RFX6: variants seen among roughly 807,000 people sequenced by gnomAD.
The protein encoded by RFX6 is regulatory factor X6, also known as DNA-binding protein RFX6.
Under a neutral mutation model 110.8 loss-of-function variants are expected in RFX6, and 50 were observed. The ratio of observed to expected loss-of-function variants is 0.45; its 90% confidence interval spans 0.36 to 0.57. The LOEUF is 0.57. Among genes scored for constraint, RFX6 ranks in the 20% least tolerant of loss-of-function variants. The pLI, the probability that RFX6 is intolerant of heterozygous loss-of-function variation, is 0.00. For missense variants in RFX6, 990 were observed against 1,127.0 expected (o/e 0.88, Z 1.74); for synonymous variants, 383 against 411.2 (o/e 0.93, Z 0.83).
Position 116,928,846 on chromosome 6 carries a change from G to C in RFX6, c.2486G>C (p.Arg829Pro), listed in dbSNP as rs57748743. 5.8e-5 allele frequency: 94 copies of C among 1,613,650 alleles called. No individual in the cohort carries two copies. In the African/African-American group the frequency reaches 1.1e-3, roughly 19 times the overall value. Residue 829 changes from arginine (R) to proline (P), a missense_variant, in exon 18 of 19, where the codon CGT becomes CCT. Physicochemically the swap from Arg to Pro is moderately radical, Grantham distance 103. Around this residue, in one of 5 missense-constraint regions of RFX6, gnomAD observed 438 missense variants for 441.9 expected, o/e 0.99. Transcript: ENST00000332958. The part of the protein sequence containing the change: ...NQHVSVISSI[R>P]SLPPYSDIHD... ...CACGTTTCTGTCATCAGCAGCATTC[G>C]TTCACTGCCCCCCTACAGTGACATC...
chr6:116,911,305 A>G (rs1204440932), intron 7 of RFX6, among the ~76,000 whole-genome samples: 14 of 152,208 alleles, frequency 9.2e-5, no homozygotes, highest in Non-Finnish European at 2.9e-5. Context: ...TTAAAGCTCT[A>G]TTGAAGAAGA....
At chr6:116,888,852 T>C (rs1045237052) in intron 4 of RFX6, among the ~76,000 whole-genome samples, 1 of 152,120 alleles carries the variant, frequency 6.6e-6, no homozygotes, top group Non-Finnish European at 1.5e-5. Context: ...GATGAAAAAT[T>C]TATGTACACT....
At chr6:116,930,462 G>T (rs1775858989) in intron 18 of RFX6, among the ~76,000 whole-genome samples, 1 of 152,142 alleles carries the variant, frequency 6.6e-6, no homozygotes, top group Non-Finnish European at 1.5e-5. Context: ...TTACATTCTA[G>T]TAGAGGGACA....
intron 17 of RFX6, among the ~76,000 whole-genome samples, chr6:116,928,080 T>TAAA (rs34807787): frequency 2.1e-5 from 3 of 143,958 alleles, no homozygotes; most frequent in Admixed American, 6.9e-5. Context: ...CCGCATATGT[T>TAAA]AAAAAAAAAA....
At chr6:116,928,715 T>G in intron 17 of RFX6, 44 bp from the exon 18 acceptor site, 1 of 1,420,102 alleles carries the variant, frequency 7.0e-7, no homozygotes, top group Non-Finnish European at 1.0e-6. Flanking sequence ...CTGAAAGTTC[T>G]TTGTAGTAAG....
intron 14 of RFX6, chr6:116,923,522 A>AT: frequency 2.6e-6 from 1 of 384,180 alleles, no homozygotes; most frequent in South Asian, 2.6e-5. Context: ...ATAAAAACAA[A>AT]TTGCCTAGCA....
intron 18 of RFX6, 113 bp from the exon 19 acceptor site, chr6:116,931,218 T>C: frequency 2.5e-6 from 2 of 805,864 alleles, no homozygotes; most frequent in Middle Eastern, 3.4e-4. Flanking sequence ...AAATTTAGAA[T>C]AGGTATGTGT....
chr6:116,921,692 G>A (rs1363227052), intron 12 of RFX6, among the ~76,000 whole-genome samples: 2 of 150,574 alleles, frequency 1.3e-5, no homozygotes, highest in Non-Finnish European at 3.0e-5. Context: ...GCTTGTTGGT[G>A]CGTGCCTGGA....
At chr6:116,896,161 C>T (rs1021256168) in intron 6 of RFX6, among the ~76,000 whole-genome samples, 4 of 152,174 alleles carry the variant, frequency 2.6e-5, no homozygotes, top group African/African-American at 9.7e-5. Context: ...TACGTTATTT[C>T]TCTCAGGTGT....
intron 9 of RFX6, among the ~76,000 whole-genome samples, chr6:116,917,366 T>C (rs1775491696): frequency 6.6e-6 from 1 of 150,640 alleles, no homozygotes; most frequent in African/African-American, 2.5e-5. Flanking sequence ...GGATTGAATA[T>C]GAATGCCATT....
At chr6:116,908,176 T>C (rs1280353546) in intron 6 of RFX6, among the ~76,000 whole-genome samples, 2 of 152,118 alleles carry the variant, frequency 1.3e-5, no homozygotes, top group Non-Finnish European at 2.9e-5. Flanking sequence ...TCTAGCATCT[T>C]GTAACCACTA....
chr6:116,896,698 A>T (rs952462394), intron 6 of RFX6, among the ~76,000 whole-genome samples: 13 of 88,798 alleles, frequency 1.5e-4, no homozygotes, highest in Admixed American at 2.6e-4. Flanking sequence ...ACAGTGTGAG[A>T]CCCTATCTCA....
At position 116,892,574 on chromosome 6, in the gene RFX6, G is replaced by A. The variant is rs114855139; in HGVS notation, c.567-1413G>A. 2.7e-3 allele frequency among the ~76,000 whole-genome samples: 413 copies of A among 152,294 alleles called. 2 individuals are homozygous for A. The highest frequency in any genetic ancestry group is 9.6e-3 in the African/African-American group (397 of 41,564). ...ATGCAGATGCAGCTGGATCTTGGAT[G>A]TGCAGTCCAGTTCCCTCACAGTGAA... On this transcript the variant is annotated intron_variant, in intron 4 of 18. Transcript: ENST00000332958.
intron 9 of RFX6, among the ~76,000 whole-genome samples, chr6:116,917,107 G>A (rs1272399255): frequency 6.6e-6 from 1 of 152,074 alleles, no homozygotes; most frequent in African/African-American, 2.4e-5. Flanking sequence ...CAGATTCTCA[G>A]CTTTGCAGAA....
chr6:116,923,775 G>T (rs1434668473), intron 14 of RFX6, among the ~76,000 whole-genome samples: 5 of 152,112 alleles, frequency 3.3e-5, no homozygotes, highest in Non-Finnish European at 7.4e-5. Context: ...TATGACTTGG[G>T]AGACAAATAG....
Position 116,919,416 on chromosome 6 carries a change from C to T in RFX6, c.1182+120C>T, listed in dbSNP as rs943623960. 6.9e-6 allele frequency: 6 copies of T among 874,908 alleles called. No homozygotes were observed. In the Admixed American group the frequency reaches 8.9e-5, roughly 13 times the overall value. 54.2% of individuals were successfully genotyped at this position (874,908 alleles called of 1,614,324 possible). A position where few individuals can be genotyped will look rare whatever the true frequency, so the allele number is the denominator to read the frequency against. On this transcript the variant is annotated intron_variant, in intron 11 of 18. Coordinates refer to ENST00000332958, the MANE Select transcript of RFX6 (RefSeq NM_173560.4). ...GAGCTAAGTAGACAACAACTAAATG[C>T]AACGTGAGACCCAGAAGTGAATGCT...
At position 116,916,282 on chromosome 6, in the gene RFX6, A is replaced by C. The variant is rs1775461880; in HGVS notation, c.940A>C (p.Ile314Leu). The change falls in exon 9 of 19, where the codon ATT becomes CTT. Residue 314 changes from isoleucine (I) to leucine (L), a missense_variant. By Grantham distance (5) the Ile-to-Leu change is conservative (BLOSUM62 2). Around this residue, in one of 5 missense-constraint regions of RFX6, gnomAD observed 243 missense variants for 353.1 expected, o/e 0.69. Transcript: ENST00000332958. ...GCTCGAAAATCCTGTTATCATTGAT[A>C]TTTTCTGTGTTTGTGACTCAATTCT... ...PLLENPVIIDIFCVCDSILYK... is the reference protein window; with the variant it reads ...PLLENPVIIDLFCVCDSILYK... 1.2e-6 allele frequency: 2 copies of C among 1,611,442 alleles called. No homozygotes were observed. The highest frequency in any genetic ancestry group is 1.7e-5 in the Admixed American group (1 of 59,858).
intron 12 of RFX6, among the ~76,000 whole-genome samples, chr6:116,921,815 C>T (rs958338548): frequency 1.3e-5 from 2 of 151,850 alleles, no homozygotes; most frequent in African/African-American, 4.8e-5. Flanking sequence ...AAAGCAAGAT[C>T]CTGTCTCTCT....
At position 116,922,113 on chromosome 6, in the gene RFX6, G is replaced by A. The variant is rs1775613019; in HGVS notation, c.1399G>A (p.Glu467Lys). ...KKNATVEAFI[E>K]WLDTVVEQRV... ...GAATGCCACTGTGGAGGCTTTTATT[G>A]AATGGTTGGATACTGTGGTAGAACA... Residue 467 changes from glutamate to lysine, a missense_variant, in exon 13 of 19, where the codon GAA (glutamate) becomes AAA (lysine). Glu to Lys is a moderately conservative substitution (Grantham distance 56). This residue lies in a region of RFX6 where 89 missense variants were observed against 140.3 expected (regional missense o/e 0.63). Transcript: ENST00000332958. The A allele has an allele frequency of 1.3e-6, 2 of 1,544,764 alleles. No homozygotes were observed. Among genetic ancestry groups the A allele is most frequent in the Non-Finnish European group, 1.8e-6 (2 of 1,118,692 alleles).
Sources: gnomAD v4.1 joint callset for allele counts (sites outside exome capture counted in the v4.1 genomes callset) on GRCh38, gnomAD v4.1.1 for gene constraint, gnomAD v4.1.1 regional missense constraint, MANE v1.5 for transcripts, NCBI Gene and HGNC (gene_info 2026-07-23, HGNC 2026-07-21) for gene names.